Variants in HECW1 observed in about 807,000 individuals in gnomAD.
The protein encoded by HECW1 is E3 ubiquitin-protein ligase HECW1.
Under a neutral mutation model 182.3 loss-of-function variants are expected in HECW1, and 61 were observed. The ratio of observed to expected loss-of-function variants is 0.33; its 90% confidence interval spans 0.27 to 0.41. The LOEUF (loss-of-function observed/expected upper bound fraction) is 0.41, where lower values mean the gene tolerates loss of function less well. HECW1 is among the 10% of genes least tolerant of loss of function. The pLI is 1.00. For synonymous variants in HECW1, 859 were observed against 832.6 expected, an observed-to-expected ratio of 1.03 and a Z score of -0.55; for missense variants, 1,739 against 2,108.9, an observed-to-expected ratio of 0.82 and a Z score of 3.44.
chr7:43,166,275 G>T (rs1791100693), intron 2 of HECW1, among the ~76,000 whole-genome samples: 1 of 152,192 alleles, frequency 6.6e-6, no homozygotes, highest in Non-Finnish European at 1.5e-5. Context: ...TAGAGATGGG[G>T]TTTTGCTATG....
chr7:43,364,533 G>A (rs532631403), intron 6 of HECW1, among the ~76,000 whole-genome samples: 20 of 152,372 alleles, frequency 1.3e-4, no homozygotes, highest in African/African-American at 3.8e-4. Flanking sequence ...GCCGTGACCA[G>A]GCACCTGCAG....
At chr7:43,190,142 C>T (rs1793773338) in intron 2 of HECW1, among the ~76,000 whole-genome samples, 1 of 152,190 alleles carries the variant, frequency 6.6e-6, no homozygotes, top group Non-Finnish European at 1.5e-5. Flanking sequence ...GAGACGGAGT[C>T]ATGCTCTGTC....
chr7:43,474,175 C>T (rs909716890), intron 16 of HECW1, among the ~76,000 whole-genome samples: 5 of 152,120 alleles, frequency 3.3e-5, no homozygotes, highest in East Asian at 1.9e-4. Flanking sequence ...ATGGGCCAGG[C>T]GCGGTGGCTC....
intron 2 of HECW1, among the ~76,000 whole-genome samples, chr7:43,130,610 A>C (rs371511975): frequency 6.6e-6 from 1 of 152,228 alleles, no homozygotes; most frequent in Admixed American, 6.5e-5. Context: ...TCATTAATAT[A>C]GTGATAAACA....
intron 2 of HECW1, among the ~76,000 whole-genome samples, chr7:43,185,017 C>G (rs909952902): frequency 3.3e-5 from 5 of 152,082 alleles, no homozygotes; most frequent in African/African-American, 1.2e-4. Context: ...TCCAGTCACC[C>G]CCACCCCCTG....
chr7:43,444,346 A>T lies in HECW1; in HGVS notation c.1174A>T (p.Lys392Ter). 6.2e-7 allele frequency: 1 copy of T among 1,614,172 alleles called. No individual in the cohort carries two copies. Among genetic ancestry groups the T allele is most frequent in the East Asian group, 2.2e-5 (1 of 44,882 alleles). The change falls in exon 11 of 30, where the codon AAG becomes TAG. Residue 392 changes from lysine to a stop codon, truncating the protein, a stop_gained. Transcript: ENST00000395891. LOFTEE classifies it high-confidence loss of function. The surrounding 1 kb of genome is among the most constrained non-coding windows in gnomAD (Gnocchi z 4.3). ...GGCACCAGAGTCCTCTGAGAGCTGGAAGCCAGAGCAGCTGGGTGAGGGCAG... is the reference window on the plus strand; with the variant it reads ...GGCACCAGAGTCCTCTGAGAGCTGGTAGCCAGAGCAGCTGGGTGAGGGCAG... The part of the protein sequence containing the change: ...SEAPESSESW[K>*]PEQLGEGSVP...
chr7:43,560,584 C>T (rs2082177768), intron 29 of HECW1, among the ~76,000 whole-genome samples: 1 of 152,146 alleles, frequency 6.6e-6, no homozygotes, highest in African/African-American at 2.4e-5. Context: ...CACCTTCCCT[C>T]TTTCCTCTTC....
chr7:43,251,488 G>A (rs1366537520), intron 3 of HECW1, among the ~76,000 whole-genome samples: 3 of 152,000 alleles, frequency 2.0e-5, no homozygotes, highest in Admixed American at 2.0e-4. Context: ...GCTAATTTTT[G>A]TATTTTTAAT....
chr7:43,151,268 ATTTT>A (rs1789296237), intron 2 of HECW1, among the ~76,000 whole-genome samples: 1 of 152,150 alleles, frequency 6.6e-6, no homozygotes, highest in African/African-American at 2.4e-5. Flanking sequence ...TCATAAGATT[ATTTT>A]TGGGGTTTCC....
At chr7:43,368,298 C>G (rs1355127050) in intron 6 of HECW1, among the ~76,000 whole-genome samples, 1 of 152,172 alleles carries the variant, frequency 6.6e-6, no homozygotes, top group African/African-American at 2.4e-5. Context: ...GAACATGATG[C>G]AGGGTTTTCC....
intron 2 of HECW1, among the ~76,000 whole-genome samples, chr7:43,173,589 C>T (rs1366873113): frequency 6.6e-6 from 1 of 152,172 alleles, no homozygotes; most frequent in East Asian, 1.9e-4. Context: ...GAGCATGCAA[C>T]CTAGATCCCT....
intron 4 of HECW1, among the ~76,000 whole-genome samples, chr7:43,314,796 G>A (rs1808978641): frequency 6.6e-6 from 1 of 152,204 alleles, no homozygotes; most frequent in Admixed American, 6.5e-5. Context: ...TAATGTGTAA[G>A]TCCTTAGTAG....
At chr7:43,171,634 G>C (rs370046798) in intron 2 of HECW1, among the ~76,000 whole-genome samples, 1 of 152,168 alleles carries the variant, frequency 6.6e-6, no homozygotes, top group Non-Finnish European at 1.5e-5. Flanking sequence ...AAAAAGGGGC[G>C]TTTAGCTCAT....
intron 19 of HECW1, among the ~76,000 whole-genome samples, chr7:43,495,208 C>T (rs2079071294): frequency 6.6e-6 from 1 of 152,110 alleles, no homozygotes; most frequent in South Asian, 2.1e-4. Context: ...TGGTTTGCTG[C>T]ACCCATCAAC....
At chr7:43,546,569 G>T (rs1052699797) in intron 26 of HECW1, among the ~76,000 whole-genome samples, 2 of 151,188 alleles carry the variant, frequency 1.3e-5, no homozygotes, top group Admixed American at 6.6e-5. Flanking sequence ...TGATGCCTTG[G>T]TGTTGAACTC....
intron 5 of HECW1, among the ~76,000 whole-genome samples, chr7:43,342,600 T>TTTTTTTTTTTTTTTTGAGACGGAGTCTC (rs1562862044): frequency 6.6e-6 from 1 of 151,832 alleles, no homozygotes; most frequent in African/African-American, 2.4e-5. Flanking sequence ...AGATAACTCT[T>TTTTTTTTTTTTTTTTGAGACGGAGTCTC]GAGGCTAACT....
intron 6 of HECW1, among the ~76,000 whole-genome samples, chr7:43,370,386 T>C (rs1294554897): frequency 6.6e-6 from 1 of 152,214 alleles, no homozygotes; most frequent in Non-Finnish European, 1.5e-5. Flanking sequence ...ACAGGAACTC[T>C]CATTCATTGC....
intron 27 of HECW1, among the ~76,000 whole-genome samples, chr7:43,551,130 TC>T (rs1172343969): frequency 6.6e-6 from 1 of 152,150 alleles, no homozygotes; most frequent in African/African-American, 2.4e-5. Context: ...AGGTCTTGGG[TC>T]GTGGAAGGCT....
Position 43,204,348 on chromosome 7 carries a change from A to G in HECW1, c.-31-39527A>G, listed in dbSNP as rs55881060. The stretch of plus-strand genomic sequence containing the variant: ...ATTAGTTGGCAGTAGATTTTGTTCA[A>G]GAAACCCTAAGTCATTTTCTTGGTG... On this transcript the variant is annotated intron_variant, in intron 2 of 29. Transcript: ENST00000395891. Among the ~76,000 whole-genome samples the G allele has an allele frequency of 4.3e-3, 661 of 152,364 alleles. 6 individuals carry two copies. The highest frequency in any genetic ancestry group is 0.015 in the African/African-American group (643 of 41,592).
Sources: gnomAD v4.1 joint callset for allele counts (sites outside exome capture counted in the v4.1 genomes callset) on GRCh38, gnomAD v4.1.1 for gene constraint, Gnocchi (gnomAD v3.1) non-coding constraint, MANE v1.5 for transcripts, NCBI Gene and HGNC (gene_info 2026-07-23, HGNC 2026-07-21) for gene names.